PITPNC1: variants seen among roughly 807,000 people sequenced by gnomAD.
The protein encoded by PITPNC1 is phosphatidylinositol transfer protein cytoplasmic 1.
PITPNC1 carries 18 observed loss-of-function variants against 44.7 expected under a neutral mutation model. That is an observed-to-expected ratio of 0.40 (90% CI 0.28 to 0.60). The LOEUF (loss-of-function observed/expected upper bound fraction) is 0.60, where lower values mean the gene tolerates loss of function less well. Ranked by LOEUF, PITPNC1 falls within the 20% of genes least tolerant of loss-of-function variation. The pLI is 0.39. For synonymous variants in PITPNC1, 141 were observed against 149.6 expected (o/e 0.94, Z 0.42); for missense variants, 290 against 418.4 (o/e 0.69, Z 2.68).
intron 1 of PITPNC1, among the ~76,000 whole-genome samples, chr17:67,510,340 AC>A (rs1053172923): frequency 6.6e-6 from 1 of 152,046 alleles, no homozygotes; most frequent in African/African-American, 2.4e-5. Context: ...CTTTCAGGAC[AC>A]CCCGAACCTG....
At chr17:67,504,726 A>G (rs778775411) in intron 1 of PITPNC1, among the ~76,000 whole-genome samples, 26 of 151,920 alleles carry the variant, frequency 1.7e-4, no homozygotes, top group Non-Finnish European at 3.1e-4. Context: ...TTTCTCTGTT[A>G]TTTTTCTATT....
chr17:67,483,386 T>C lies in PITPNC1; in HGVS notation c.49-49416T>C, dbSNP rs568928614. 1.4e-4 allele frequency among the ~76,000 whole-genome samples: 21 copies of C among 152,348 alleles called. No individual in the cohort carries two copies. In the East Asian group the frequency reaches 3.7e-3, roughly 27 times the overall value. On this transcript the variant is annotated intron_variant, in intron 1 of 8. Coordinates refer to ENST00000581322, the MANE Select transcript of PITPNC1 (RefSeq NM_012417.4). ...GTATCCAGATAAAGAAGTTTTAATT[T>C]GTTTTTATTGGTTTACCTTGCCTCA...
At chr17:67,631,577 C>T (rs1257495105) in intron 5 of PITPNC1, among the ~76,000 whole-genome samples, 23 of 107,440 alleles carry the variant, frequency 2.1e-4, no homozygotes, top group African/African-American at 6.9e-4. Context: ...TGCAGTGAGC[C>T]GGGATAGCGC....
At chr17:67,461,624 T>A (rs529842310) in intron 1 of PITPNC1, among the ~76,000 whole-genome samples, 1 of 152,316 alleles carries the variant, frequency 6.6e-6, no homozygotes, top group South Asian at 2.1e-4. Context: ...AGAGATTGTC[T>A]TAAAGAATCT....
At chr17:67,619,435 A>G (rs2041802174) in intron 5 of PITPNC1, among the ~76,000 whole-genome samples, 1 of 152,136 alleles carries the variant, frequency 6.6e-6, no homozygotes, top group African/African-American at 2.4e-5. Flanking sequence ...AAGGTGACCC[A>G]AGATCCAGGG....
chr17:67,573,556 CTTTTTTTTTTTT>C (rs35434515), intron 4 of PITPNC1, among the ~76,000 whole-genome samples: 1 of 84,052 alleles, frequency 1.2e-5, no homozygotes, highest in South Asian at 4.4e-4. Flanking sequence ...ACTGAATACT[CTTTTTTTTTTTT>C]TTTTTTTTTT....
chr17:67,442,688 C>CAA (rs371674716), intron 1 of PITPNC1, among the ~76,000 whole-genome samples: 2 of 150,424 alleles, frequency 1.3e-5, no homozygotes, highest in Non-Finnish European at 1.5e-5. Context: ...ACCAAAAATA[C>CAA]AAAAATATAT....
At chr17:67,669,869 C>T (rs2042482970) in intron 7 of PITPNC1, among the ~76,000 whole-genome samples, 1 of 152,012 alleles carries the variant, frequency 6.6e-6, no homozygotes. Flanking sequence ...GCCAAGAGTT[C>T]AAGACCGGCC....
intron 5 of PITPNC1, among the ~76,000 whole-genome samples, chr17:67,631,586 G>A (rs1412953238): frequency 8.8e-5 from 9 of 101,870 alleles, no homozygotes; most frequent in Admixed American, 4.9e-4. Context: ...CCGGGATAGC[G>A]CCACTGCAGT....
rs1190364016 is a variant in PITPNC1 at position 67,669,331 on chromosome 17, G to A, written c.463-177G>A. On this transcript the variant is annotated intron_variant, in intron 6 of 8. Coordinates refer to ENST00000581322, the MANE Select transcript of PITPNC1 (RefSeq NM_012417.4). ...GGGTTTCTCCATGTTGGTCAGGCTG[G>A]TCTTGAACTCCCGACCTCAGGTGAT... Among the ~76,000 whole-genome samples, 7 of 152,228 alleles carry A rather than the reference G, an allele frequency of 4.6e-5. No individual in the cohort carries two copies. In the East Asian group the frequency reaches 1.4e-3, roughly 29 times the overall value.
intron 2 of PITPNC1, among the ~76,000 whole-genome samples, chr17:67,533,221 C>T (rs2040487022): frequency 6.6e-6 from 1 of 152,120 alleles, no homozygotes; most frequent in African/African-American, 2.4e-5. Context: ...ACTCACAGTA[C>T]TGCACTCCAG....
chr17:67,587,883 T>C (rs1430563801), intron 5 of PITPNC1, among the ~76,000 whole-genome samples: 2 of 152,230 alleles, frequency 1.3e-5, no homozygotes, highest in Non-Finnish European at 1.5e-5. Flanking sequence ...AAATGTTCTC[T>C]TCCTGACTAC....
intron 1 of PITPNC1, among the ~76,000 whole-genome samples, chr17:67,442,204 CATATATATATATATATATATAT>C (rs10526037): frequency 0.089 from 4,847 of 54,314 alleles, 280 homozygotes; most frequent in African/African-American, 0.093. Flanking sequence ...GGAAAATAAG[CATATATATATATATATATATAT>C]ATATATATAT....
chr17:67,586,709 TC>T (rs1203238772), intron 5 of PITPNC1, among the ~76,000 whole-genome samples: 1 of 152,196 alleles, frequency 6.6e-6, no homozygotes, highest in African/African-American at 2.4e-5. Flanking sequence ...ACTACAGACT[TC>T]ATTCAGATTT....
intron 1 of PITPNC1, among the ~76,000 whole-genome samples, chr17:67,481,168 C>A (rs1391188574): frequency 2.0e-5 from 3 of 152,254 alleles, no homozygotes; most frequent in Admixed American, 6.5e-5. Flanking sequence ...GATCGTGCCA[C>A]TGCACCTCCA....
rs571677653 is a variant in PITPNC1, at chr17:67,654,271, T to C, written c.463-15237T>C. Among the ~76,000 whole-genome samples the C allele has an allele frequency of 2.0e-5, 3 of 152,320 alleles. No homozygotes were observed. The East Asian group carries it at 5.8e-4, about 29-fold the overall frequency. ...ACCACCATACTTACGGACACTGGCA[T>C]GTGACAGCTTCCAGAAAATGGAAAT... On this transcript the variant is annotated intron_variant, in intron 6 of 8. Coordinates refer to ENST00000581322, the MANE Select transcript of PITPNC1 (RefSeq NM_012417.4).
chr17:67,576,354 G>T (rs954237702), intron 4 of PITPNC1, among the ~76,000 whole-genome samples: 4 of 152,106 alleles, frequency 2.6e-5, no homozygotes, highest in Non-Finnish European at 4.4e-5. Flanking sequence ...TAAAGCAGGG[G>T]GGGATGGTAA....
intron 6 of PITPNC1, among the ~76,000 whole-genome samples, chr17:67,642,118 G>A (rs2042099273): frequency 6.6e-6 from 1 of 152,192 alleles, no homozygotes; most frequent in Admixed American, 6.5e-5. Flanking sequence ...GGAATGGACA[G>A]TGTAGTGAAT....
intron 4 of PITPNC1, among the ~76,000 whole-genome samples, chr17:67,555,243 A>G (rs2040820492): frequency 6.6e-6 from 1 of 152,094 alleles, no homozygotes. Flanking sequence ...TCAGTGGTCT[A>G]CCCTTGGATT....
Sources: allele counts gnomAD v4.1 joint callset (sites outside exome capture counted in the v4.1 genomes callset), GRCh38; gene constraint gnomAD v4.1.1; transcripts MANE v1.5; gene names NCBI Gene and HGNC (gene_info 2026-07-23, HGNC 2026-07-21).